AFG2B: variants seen among roughly 807,000 people sequenced by gnomAD.
The protein encoded by AFG2B is ATPase family gene 2 protein homolog B.
the AFG2B span, chr15:45,414,459 T>C: frequency 2.1e-6 from 2 of 969,826 alleles, no homozygotes; most frequent in Non-Finnish European, 3.1e-6. Flanking sequence ...ATGGACTGTT[T>C]CCAGCTCATA....
chr15:45,414,699 C>G, the AFG2B span: 1 of 1,614,188 alleles, frequency 6.2e-7, no homozygotes, highest in Non-Finnish European at 8.5e-7. Context: ...TGGCCACAAG[C>G]TGTCACTGCT....
chr15:45,413,047 G>A, the AFG2B span, among the ~76,000 whole-genome samples: 35 of 152,156 alleles, frequency 2.3e-4, no homozygotes, highest in Non-Finnish European at 4.4e-4. Context: ...TATAATATGC[G>A]CCAATATTTT....
At chr15:45,411,277 C>T in the AFG2B span, among the ~76,000 whole-genome samples, 2 of 152,092 alleles carry the variant, frequency 1.3e-5, no homozygotes, top group Non-Finnish European at 2.9e-5. Flanking sequence ...GCCAAGAGTT[C>T]AAGACCAGAC....
chr15:45,410,028 G>A, the AFG2B span, among the ~76,000 whole-genome samples: 2 of 152,228 alleles, frequency 1.3e-5, no homozygotes, highest in African/African-American at 4.8e-5. Flanking sequence ...ACGTAGAACT[G>A]TGTTAGTTGA....
chr15:45,407,190 G>A, the AFG2B span: 8 of 1,256,150 alleles, frequency 6.4e-6, no homozygotes, highest in Admixed American at 5.3e-5. Context: ...AAGGAAGAAA[G>A]GCAAAAAGCA....
At chr15:45,421,361 C>G in the AFG2B span, 1 of 485,702 alleles carries the variant, frequency 2.1e-6, no homozygotes, top group Non-Finnish European at 3.5e-6. Context: ...GCCTGATAAG[C>G]TAAGGCTCAT....
At chr15:45,419,745 G>C in the AFG2B span, among the ~76,000 whole-genome samples, 1 of 152,014 alleles carries the variant, frequency 6.6e-6, no homozygotes, top group African/African-American at 2.4e-5. Flanking sequence ...GCTGGGCTTA[G>C]TGACTCATGC....
At chr15:45,410,648 C>T in the AFG2B span, 1 of 905,458 alleles carries the variant, frequency 1.1e-6, no homozygotes, top group Non-Finnish European at 1.6e-6. Flanking sequence ...GTGATCCTAA[C>T]ATCTAAATCC....
the AFG2B span, among the ~76,000 whole-genome samples, chr15:45,419,639 T>TA: frequency 1.3e-5 from 2 of 152,178 alleles, no homozygotes; most frequent in Non-Finnish European, 2.9e-5. Context: ...AATCACTACT[T>TA]ATGTCAAGAA....
At chr15:45,402,691 T>G in the AFG2B span, 1 of 1,572,520 alleles carries the variant, frequency 6.4e-7, no homozygotes, top group South Asian at 1.2e-5. Context: ...GGTCGGGGCG[T>G]CGAGATCCCG....
At chr15:45,415,876 C>A in the AFG2B span, 2 of 1,157,272 alleles carry the variant, frequency 1.7e-6, no homozygotes, top group South Asian at 3.0e-5. Flanking sequence ...TATGCTATAG[C>A]TTTACCTATG....
chr15:45,403,091 G>T, the AFG2B span: 2 of 1,524,006 alleles, frequency 1.3e-6, no homozygotes, highest in South Asian at 2.4e-5. Flanking sequence ...CTCCCGCTCC[G>T]CTACCCGCGC....
chr15:45,409,570 T>C, the AFG2B span, among the ~76,000 whole-genome samples: 1 of 151,720 alleles, frequency 6.6e-6, no homozygotes, highest in Non-Finnish European at 1.5e-5. Context: ...ATAAAATACT[T>C]GAACATGAGT....
the AFG2B span, chr15:45,421,318 TAAATA>T: frequency 2.7e-4 from 206 of 761,652 alleles, 2 homozygotes; most frequent in South Asian, 4.7e-3. Context: ...TGTAAGTGAA[TAAATA>T]AAACAAAACA....
At chr15:45,407,201 T>C in the AFG2B span, 25 of 1,248,188 alleles carry the variant, frequency 2.0e-5, no homozygotes, top group Non-Finnish European at 2.6e-5. Flanking sequence ...GCAAAAAGCA[T>C]GAAGGGACAG....
chr15:45,414,691 G>A, the AFG2B span: 1 of 1,614,182 alleles, frequency 6.2e-7, no homozygotes, highest in Non-Finnish European at 8.5e-7. Context: ...GAGGGCCCTG[G>A]CCACAAGCTG....
the AFG2B span, chr15:45,414,440 G>C: frequency 1.3e-6 from 1 of 754,946 alleles, no homozygotes; most frequent in East Asian, 2.7e-5. Flanking sequence ...GATCTCTGCA[G>C]TGTGGAGAAT....
the AFG2B span, chr15:45,403,458 C>T: frequency 6.2e-7 from 1 of 1,608,614 alleles, no homozygotes; most frequent in Non-Finnish European, 8.5e-7. Flanking sequence ...TTGTGGGAGC[C>T]ACTAACCGGC....
At chr15:45,403,305 G>T in the AFG2B span, 1 of 1,592,588 alleles carries the variant, frequency 6.3e-7, no homozygotes. Context: ...CCCGGGAACT[G>T]GCCAGCCGCG....
Sources: gnomAD v4.1 joint callset for allele counts (sites outside exome capture counted in the v4.1 genomes callset) on GRCh38, gnomAD v4.1.1 for gene constraint, MANE v1.5 for transcripts, NCBI Gene and HGNC (gene_info 2026-07-23, HGNC 2026-07-21) for gene names.